Variants in WDR7 observed in about 807,000 individuals in gnomAD.
WDR7 encodes the protein WD repeat-containing protein 7.
WDR7 carries 46 observed loss-of-function variants against 169.4 expected under a neutral mutation model. The observed-to-expected ratio is 0.27, with a 90% CI of 0.21 to 0.35. WDR7 has a LOEUF of 0.35. WDR7 is among the 10% of genes least tolerant of loss of function. The probability of loss-of-function intolerance (pLI) is 1.00; values close to 1 mark genes in which losing one functional copy is unlikely to be tolerated. For missense variants in WDR7, 1,534 were observed against 1,859.3 expected (o/e 0.83, Z 3.22); for synonymous variants, 612 against 666.8 (o/e 0.92, Z 1.27).
intron 19 of WDR7, among the ~76,000 whole-genome samples, chr18:56,790,582 G>T (rs2044468657): frequency 6.6e-6 from 1 of 151,890 alleles, no homozygotes; most frequent in African/African-American, 2.4e-5. Context: ...TATAAATTCT[G>T]GGATTAAAAT....
At chr18:56,808,681 T>G (rs2044817416) in intron 19 of WDR7, among the ~76,000 whole-genome samples, 1 of 152,142 alleles carries the variant, frequency 6.6e-6, no homozygotes, top group Non-Finnish European at 1.5e-5. Context: ...ATGTTATTTA[T>G]TATTACTCAG....
intron 21 of WDR7, among the ~76,000 whole-genome samples, chr18:56,917,127 A>G (rs2028116): frequency 0.9 from 137,488 of 152,078 alleles, 62,388 homozygotes; most frequent in East Asian, 0.98. Context: ...AACCCGGGAG[A>G]CAGATGTTGC....
chr18:56,792,119 G>C (rs1365363173), intron 19 of WDR7, among the ~76,000 whole-genome samples: 3 of 152,140 alleles, frequency 2.0e-5, no homozygotes, highest in Admixed American at 6.5e-5. Flanking sequence ...CTGCGTTCAA[G>C]CAATCTTCCT....
chr18:56,672,159 CTG>C (rs1335476290), intron 1 of WDR7, among the ~76,000 whole-genome samples: 1 of 152,152 alleles, frequency 6.6e-6, no homozygotes, highest in African/African-American at 2.4e-5. Context: ...GCTTTATAAA[CTG>C]TGAAATCCTA....
At position 56,695,052 on chromosome 18, in the gene WDR7, A is replaced by G. The variant is rs375647997; in HGVS notation, c.1211A>G (p.Asn404Ser). Reference sequence around the variant, plus strand: ...CAGCTGAGTGTGATTCCCAATAGTAATGAACCTCTTAAAGTAACTGCAAGT... The same window carrying G: ...CAGCTGAGTGTGATTCCCAATAGTAGTGAACCTCTTAAAGTAACTGCAAGT... Reference protein sequence around the residue: ...IDQLSVIPNSNEPLKVTASVY... With the variant: ...IDQLSVIPNSSEPLKVTASVY... The change falls in exon 11 of 28, where the codon AAT becomes AGT. Residue 404 changes from asparagine to serine, a missense_variant. Coordinates refer to ENST00000254442, the MANE Select transcript of WDR7 (RefSeq NM_015285.3). 13 of 1,614,072 alleles carry G rather than the reference A, an allele frequency of 8.1e-6. No individual in the cohort carries two copies. In the African/African-American group the frequency reaches 1.6e-4, roughly 20 times the overall value.
intron 21 of WDR7, among the ~76,000 whole-genome samples, chr18:56,891,434 C>G (rs1295129966): frequency 6.6e-6 from 1 of 151,820 alleles, no homozygotes; most frequent in Non-Finnish European, 1.5e-5. Flanking sequence ...TTAAGTAAAT[C>G]AATGCATGAA....
intron 1 of WDR7, among the ~76,000 whole-genome samples, chr18:56,659,246 T>C (rs1386704238): frequency 1.3e-5 from 2 of 152,234 alleles, no homozygotes; most frequent in African/African-American, 4.8e-5. Context: ...GTTGACATTA[T>C]TATAGAAGAA....
intron 12 of WDR7, among the ~76,000 whole-genome samples, chr18:56,716,468 A>G (rs1163163785): frequency 6.6e-6 from 1 of 152,204 alleles, no homozygotes; most frequent in African/African-American, 2.4e-5. Flanking sequence ...GTTAAATATT[A>G]CTGTTATTTT....
Position 56,679,444 on chromosome 18 carries a change from T to C in WDR7, c.266+6T>C. On this transcript the variant is annotated splice_donor_region_variant and intron_variant, in intron 3 of 27. Transcript: ENST00000254442. ...GTGAGTGCATCTGAAAGTGGGTAAG[T>C]ATTTTCTCATTTGCCTCTTTTTCTC... The C allele has an allele frequency of 6.3e-7, 1 of 1,590,828 alleles. No homozygotes were observed. The highest frequency in any genetic ancestry group is 2.3e-5 in the East Asian group (1 of 44,366).
intron 19 of WDR7, among the ~76,000 whole-genome samples, chr18:56,784,529 T>C (rs183307280): frequency 6.6e-6 from 1 of 152,338 alleles, no homozygotes; most frequent in Admixed American, 6.5e-5. Flanking sequence ...GAACGTATAT[T>C]AATCACTATT....
chr18:56,718,063 C>T lies in WDR7; in HGVS notation c.1678C>T (p.Leu560Phe). 6.2e-7 allele frequency: 1 copy of T among 1,614,086 alleles called. No homozygotes were observed. The highest frequency in any genetic ancestry group is 8.5e-7 in the Non-Finnish European group (1 of 1,179,988). ...ATGCATAATGTTGGCATCTCGTCAC[C>T]TTTTTCCTATTCAAGTAATCAAATG... ...KKCIMLASRH[L>F]FPIQVIKWRP... Residue 560 changes from leucine (L) to phenylalanine (F), a missense_variant, in exon 13 of 28, where the codon CTT becomes TTT. By Grantham distance (22) the Leu-to-Phe change is conservative. Transcript: ENST00000254442.
chr18:56,935,570 A>G (rs2046948084), intron 22 of WDR7, among the ~76,000 whole-genome samples: 1 of 152,212 alleles, frequency 6.6e-6, no homozygotes. Context: ...ACAGATGCAC[A>G]TACTGTTTTC....
At chr18:56,811,614 A>G (rs1033585750) in intron 19 of WDR7, among the ~76,000 whole-genome samples, 4 of 152,126 alleles carry the variant, frequency 2.6e-5, no homozygotes, top group Non-Finnish European at 4.4e-5. Flanking sequence ...ACTTTTATGT[A>G]TTAGATTTCA....
chr18:56,977,022 T>G (rs2047576545), intron 26 of WDR7, among the ~76,000 whole-genome samples: 1 of 152,222 alleles, frequency 6.6e-6, no homozygotes. Flanking sequence ...TTACTGTCCT[T>G]GAGACCCAGA....
At chr18:56,901,464 A>G (rs149364656) in intron 21 of WDR7, among the ~76,000 whole-genome samples, 132 of 152,202 alleles carry the variant, frequency 8.7e-4, no homozygotes, top group Admixed American at 2.0e-3. Context: ...AAGCACAACT[A>G]ACTCCATTTT....
chr18:56,775,384 A>G (rs2044226301), intron 16 of WDR7, among the ~76,000 whole-genome samples: 1 of 152,258 alleles, frequency 6.6e-6, no homozygotes, highest in Admixed American at 6.5e-5. Flanking sequence ...AGGATGAATA[A>G]TTTATAAGTC....
chr18:56,943,311 T>A (rs2047057722), intron 25 of WDR7, among the ~76,000 whole-genome samples: 1 of 152,210 alleles, frequency 6.6e-6, no homozygotes, highest in South Asian at 2.1e-4. Flanking sequence ...TATGTGATGT[T>A]TGTTTTTAAA....
chr18:56,682,702 T>C lies in WDR7; in HGVS notation c.369T>C (p.Asn123=). Residue 123 remains asparagine, a synonymous_variant, in exon 5 of 28, where the codon AAT becomes AAC. Coordinates refer to ENST00000254442, the MANE Select transcript of WDR7 (RefSeq NM_015285.3). ...AGTTCTACCAGTTCTCTGTTGGGAA[T>C]CAGCGAGAAGGAAGGCTTTTATGCC... is the stretch of plus-strand genomic sequence containing the variant. The part of the protein sequence containing the change: ...GIQFYQFSVG[N]QREGRLLCHG... The C allele has an allele frequency of 6.2e-7, 1 of 1,613,588 alleles. No homozygotes were observed. Among genetic ancestry groups the C allele is most frequent in the East Asian group, 2.2e-5 (1 of 44,850 alleles).
intron 26 of WDR7, among the ~76,000 whole-genome samples, chr18:56,971,066 G>A (rs2047477358): frequency 1.3e-5 from 2 of 152,244 alleles, no homozygotes; most frequent in Non-Finnish European, 1.5e-5. Context: ...GAGGTCAGGA[G>A]TTCGAGACCA....
Sources: gnomAD v4.1 joint callset for allele counts (sites outside exome capture counted in the v4.1 genomes callset) on GRCh38, gnomAD v4.1.1 for gene constraint, MANE v1.5 for transcripts, NCBI Gene and HGNC (gene_info 2026-07-23, HGNC 2026-07-21) for gene names.